The following OR2L13 variants were observed in gnomAD, a reference collection of about 807,000 sequenced individuals.
OR2L13 encodes the protein olfactory receptor family 2 subfamily L member 13.
In OR2L13, 14 loss-of-function variants were observed where a neutral mutation model predicts 15.3. The observed-to-expected ratio is 0.91, with a 90% CI of 0.60 to 1.43. OR2L13 has a LOEUF of 1.43. Ranked by LOEUF, OR2L13 falls within the 40% of genes most tolerant of loss-of-function variation. The pLI is 0.00. For missense variants in OR2L13, 367 were observed against 387.9 expected (o/e 0.95, Z 0.45); for synonymous variants, 152 against 142.9 (o/e 1.06, Z -0.45).
the OR2L13 span, among the ~76,000 whole-genome samples, chr1:248,069,252 C>G: frequency 6.6e-6 from 1 of 152,180 alleles, no homozygotes; most frequent in Non-Finnish European, 1.5e-5. Context: ...CAAAGGGAAG[C>G]CCATCAGCCT....
intron 1 of OR2L13, among the ~76,000 whole-genome samples, chr1:248,097,970 T>A (rs528930067): frequency 6.6e-6 from 1 of 152,336 alleles, no homozygotes; most frequent in African/African-American, 2.4e-5. Flanking sequence ...CATGTTAATC[T>A]GATAAAATTA....
At chr1:247,990,670 A>C in the OR2L13 span, 1 of 1,528,100 alleles carries the variant, frequency 6.5e-7, no homozygotes, top group Non-Finnish European at 9.1e-7. Context: ...TCCCATCCGT[A>C]TGAGAAAAAG....
the OR2L13 span, among the ~76,000 whole-genome samples, chr1:248,048,979 C>G: frequency 1.3e-5 from 2 of 148,354 alleles, no homozygotes; most frequent in African/African-American, 5.1e-5. Flanking sequence ...AATGATCATA[C>G]CAACTTTAAG....
chr1:248,044,765 T>TGCAGTCC, the OR2L13 span, among the ~76,000 whole-genome samples: 1 of 118,748 alleles, frequency 8.4e-6, no homozygotes, highest in Admixed American at 1.0e-4. Flanking sequence ...ATTGCGCCAC[T>TGCAGTCC]GCAGTCCGCA....
the OR2L13 span, among the ~76,000 whole-genome samples, chr1:247,985,680 G>A: frequency 2.0e-5 from 3 of 151,960 alleles, no homozygotes; most frequent in African/African-American, 4.8e-5. Context: ...CTGAGGAATC[G>A]CCACACTGAC....
the OR2L13 span, among the ~76,000 whole-genome samples, chr1:248,021,773 A>T: frequency 6.6e-6 from 1 of 152,350 alleles, no homozygotes; most frequent in Non-Finnish European, 1.5e-5. Flanking sequence ...TTTATAAATT[A>T]AAATTTATAA....
the OR2L13 span, among the ~76,000 whole-genome samples, chr1:247,969,542 T>G: frequency 6.6e-6 from 1 of 152,182 alleles, no homozygotes; most frequent in Non-Finnish European, 1.5e-5. Context: ...GATAATTACT[T>G]TACAAATGCT....
the OR2L13 span, among the ~76,000 whole-genome samples, chr1:248,073,824 A>G: frequency 3.7e-4 from 57 of 152,022 alleles, no homozygotes; most frequent in African/African-American, 1.4e-3. Flanking sequence ...TATACACTTA[A>G]AAACCACAAA....
At chr1:248,100,403 A>T in exon 3 of OR2L13, 1 of 598,314 alleles carries the variant, frequency 1.7e-6, no homozygotes, top group Non-Finnish European at 2.8e-6. Flanking sequence ...AATACAACAT[A>T]ATTTAAAATT....
chr1:247,991,275 A>G, the OR2L13 span: 80 of 962,326 alleles, frequency 8.3e-5, 2 homozygotes, highest in Non-Finnish European at 1.0e-4. Flanking sequence ...CGGTTAAGGA[A>G]AATATTATTA....
chr1:248,004,232 A>C, the OR2L13 span, among the ~76,000 whole-genome samples: 1 of 152,252 alleles, frequency 6.6e-6, no homozygotes, highest in Non-Finnish European at 1.5e-5. Context: ...AAAGATGTAT[A>C]TAATTCTAAA....
chr1:248,092,634 G>C (rs1483007066), upstream of OR2L13, among the ~76,000 whole-genome samples: 1 of 152,162 alleles, frequency 6.6e-6, no homozygotes, highest in African/African-American at 2.4e-5. Context: ...AGTCTTCTTA[G>C]AAGGGTTACA....
At chr1:247,955,999 T>C in the OR2L13 span, among the ~76,000 whole-genome samples, 1 of 146,174 alleles carries the variant, frequency 6.8e-6, no homozygotes, top group South Asian at 2.4e-4. Flanking sequence ...TTTGGTGTTT[T>C]AGTCATGAAG....
At chr1:248,010,763 G>GTTTTTTTTTTTTTTTTTTTTT in the OR2L13 span, among the ~76,000 whole-genome samples, 8 of 44,464 alleles carry the variant, frequency 1.8e-4, no homozygotes, top group African/African-American at 4.0e-4. Flanking sequence ...CTTTGTTGTT[G>GTTTTTTTTTTTTTTTTTTTTT]TTTTTTTTTT....
At chr1:248,071,867 C>G in the OR2L13 span, among the ~76,000 whole-genome samples, 4 of 151,274 alleles carry the variant, frequency 2.6e-5, no homozygotes, top group South Asian at 8.4e-4. Context: ...TGAGTGAACT[C>G]CCATTCACAA....
At chr1:248,039,332 TTTAA>T in the OR2L13 span, 1 of 715,628 alleles carries the variant, frequency 1.4e-6, no homozygotes, top group Non-Finnish European at 2.1e-6. Flanking sequence ...AAATTTGTCT[TTTAA>T]TTTAGTCTTG....
the OR2L13 span, among the ~76,000 whole-genome samples, chr1:247,955,980 GC>G: frequency 4.1e-5 from 6 of 147,504 alleles, no homozygotes; most frequent in South Asian, 4.6e-4. Context: ...GGCTTTTGTT[GC>G]CATTGCTTTT....
At chr1:248,044,824 A>AAAC in the OR2L13 span, among the ~76,000 whole-genome samples, 1 of 82,714 alleles carries the variant, frequency 1.2e-5, no homozygotes, top group African/African-American at 2.3e-4. Flanking sequence ...AAAAAAAAAA[A>AAAC]AAAAAAAAAA....
the OR2L13 span, among the ~76,000 whole-genome samples, chr1:248,051,906 C>A: frequency 6.6e-6 from 1 of 152,094 alleles, no homozygotes; most frequent in African/African-American, 2.4e-5. Context: ...TGATTTTTGA[C>A]TTTATGATGA....
Sources: gnomAD v4.1 joint callset for allele counts (sites outside exome capture counted in the v4.1 genomes callset) on GRCh38, gnomAD v4.1.1 for gene constraint, MANE v1.5 for transcripts, NCBI Gene and HGNC (gene_info 2026-07-23, HGNC 2026-07-21) for gene names.